AUTS2: variants seen among roughly 807,000 people sequenced by gnomAD.
The protein encoded by AUTS2 is autism susceptibility gene 2 protein.
A neutral mutation model predicts 112.4 loss-of-function variants in AUTS2; 17 were observed. The observed-to-expected ratio is 0.15, with a 90% CI of 0.10 to 0.23. AUTS2 has a LOEUF of 0.23. Among genes scored for constraint, AUTS2 ranks in the 10% least tolerant of loss-of-function variants. The pLI, the probability that AUTS2 is intolerant of heterozygous loss-of-function variation, is 1.00. For missense variants in AUTS2, 1,510 were observed against 1,701.6 expected, an observed-to-expected ratio of 0.89 and a Z score of 1.98; for synonymous variants, 751 against 702.7, an observed-to-expected ratio of 1.07 and a Z score of -1.09.
At chr7:70,474,148 T>A (rs997340339) in intron 5 of AUTS2, among the ~76,000 whole-genome samples, 1 of 152,178 alleles carries the variant, frequency 6.6e-6, no homozygotes, top group East Asian at 1.9e-4. Flanking sequence ...TAATTACAAA[T>A]AGGACACCAG....
chr7:69,910,523 C>T lies in AUTS2; in HGVS notation c.522+11025C>T, dbSNP rs1403087623. Among the ~76,000 whole-genome samples, 3 of 152,316 alleles carry T rather than the reference C, an allele frequency of 2.0e-5. No homozygotes were observed. The East Asian group carries it at 5.8e-4, about 29-fold the overall frequency. On this transcript the variant is annotated intron_variant, in intron 2 of 18. Coordinates refer to ENST00000342771, the MANE Select transcript of AUTS2 (RefSeq NM_015570.4). Reference sequence around the variant, plus strand: ...TACACTTCCACATGGCTGGGGAGGCCTCACAATCATGGCAGAAGGCAATGA... The same window carrying T: ...TACACTTCCACATGGCTGGGGAGGCTTCACAATCATGGCAGAAGGCAATGA...
chr7:70,330,100 T>A (rs574692999), intron 4 of AUTS2, among the ~76,000 whole-genome samples: 1 of 152,346 alleles, frequency 6.6e-6, no homozygotes, highest in South Asian at 2.1e-4. Context: ...AATTTCAACA[T>A]GAATTTTGAG....
At chr7:70,389,942 A>G (rs1420975093) in intron 4 of AUTS2, among the ~76,000 whole-genome samples, 2 of 152,210 alleles carry the variant, frequency 1.3e-5, no homozygotes, top group East Asian at 1.9e-4. Flanking sequence ...TCTAAAGCCT[A>G]TCTGGGAGAA....
At chr7:69,909,727 A>G (rs1449188895) in intron 2 of AUTS2, among the ~76,000 whole-genome samples, 7 of 152,158 alleles carry the variant, frequency 4.6e-5, no homozygotes, top group Non-Finnish European at 8.8e-5. Flanking sequence ...TCTCATAAGA[A>G]TTTTTGTTTA....
At chr7:70,503,080 G>A (rs537950948) in intron 5 of AUTS2, among the ~76,000 whole-genome samples, 1 of 152,250 alleles carries the variant, frequency 6.6e-6, no homozygotes, top group Non-Finnish European at 1.5e-5. Context: ...CTTCTCCAGA[G>A]GGAGAACCAG....
chr7:70,245,169 TAA>T lies in AUTS2; in HGVS notation c.660+110603_660+110604del, dbSNP rs1180448969. On this transcript the variant is annotated intron_variant, in intron 4 of 18. Coordinates refer to ENST00000342771, the MANE Select transcript of AUTS2 (RefSeq NM_015570.4). ...GTATATATATATATATATATATATATAAAAAATAAAAAATAAACAAAAATTAA... is the reference window on the plus strand; with the variant it reads ...GTATATATATATATATATATATATATAAAATAAAAAATAAACAAAAATTAA... Among the ~76,000 whole-genome samples, 424 of 118,582 alleles carry T rather than the reference TAA, an allele frequency of 3.6e-3. 7 individuals are homozygous for T. The highest frequency in any genetic ancestry group is 0.024 in the East Asian group (100 of 4,152). The allele number at this position is 118,582 out of a possible 152,430, so 77.8% of individuals were successfully genotyped here.
At chr7:70,363,326 A>G (rs1003479039) in intron 4 of AUTS2, among the ~76,000 whole-genome samples, 2 of 151,858 alleles carry the variant, frequency 1.3e-5, no homozygotes, top group Non-Finnish European at 2.9e-5. Context: ...ATTATGGAAA[A>G]TCTGAAGCTA....
chr7:70,275,456 A>G (rs936502597), intron 4 of AUTS2, among the ~76,000 whole-genome samples: 8 of 152,164 alleles, frequency 5.3e-5, no homozygotes, highest in African/African-American at 1.4e-4. Context: ...ATGATGAAAA[A>G]GTTCTGCAAA....
intron 5 of AUTS2, among the ~76,000 whole-genome samples, chr7:70,698,311 A>G (rs909365465): frequency 6.6e-6 from 1 of 152,212 alleles, no homozygotes; most frequent in Non-Finnish European, 1.5e-5. Flanking sequence ...TCTCATAGAA[A>G]TATGTTTTGC....
intron 4 of AUTS2, among the ~76,000 whole-genome samples, chr7:70,144,969 TACTTTA>T (rs1405258263): frequency 6.6e-6 from 1 of 152,166 alleles, no homozygotes; most frequent in Non-Finnish European, 1.5e-5. Flanking sequence ...CTTGGCTTAT[TACTTTA>T]ACTTATGTAG....
chr7:69,681,227 T>G (rs1159952009), intron 1 of AUTS2, among the ~76,000 whole-genome samples: 1 of 152,190 alleles, frequency 6.6e-6, no homozygotes, highest in Non-Finnish European at 1.5e-5. Context: ...AGTGTGCAAA[T>G]TTCTCTTCAA....
intron 4 of AUTS2, among the ~76,000 whole-genome samples, chr7:70,400,893 C>T (rs199955203): frequency 1.1e-4 from 16 of 152,220 alleles, no homozygotes; most frequent in African/African-American, 2.4e-4. Context: ...TTCTAATGCA[C>T]GCCAAAGTTG....
At chr7:70,402,543 T>TCCAG (rs1414677787) in intron 4 of AUTS2, among the ~76,000 whole-genome samples, 1 of 152,220 alleles carries the variant, frequency 6.6e-6, no homozygotes, top group Non-Finnish European at 1.5e-5. Flanking sequence ...ATTCCAAGGT[T>TCCAG]CCAGACTCCT....
At chr7:70,424,476 T>A (rs574229476) in intron 4 of AUTS2, among the ~76,000 whole-genome samples, 19 of 152,338 alleles carry the variant, frequency 1.2e-4, no homozygotes, top group Middle Eastern at 3.4e-3. Flanking sequence ...GCCATCTCTG[T>A]CACTGGAAGC....
At chr7:70,180,153 A>G (rs1406865573) in intron 4 of AUTS2, among the ~76,000 whole-genome samples, 1 of 152,230 alleles carries the variant, frequency 6.6e-6, no homozygotes, top group Non-Finnish European at 1.5e-5. Context: ...AATAAATACC[A>G]GCCTAATAAA....
chr7:70,466,022 A>G (rs1797154685), intron 5 of AUTS2, among the ~76,000 whole-genome samples: 1 of 152,160 alleles, frequency 6.6e-6, no homozygotes, highest in East Asian at 1.9e-4. Flanking sequence ...TGTCATCTTG[A>G]CCAGGAACAC....
intron 1 of AUTS2, among the ~76,000 whole-genome samples, chr7:69,746,114 A>G (rs1459214416): frequency 6.6e-6 from 1 of 152,132 alleles, no homozygotes; most frequent in Non-Finnish European, 1.5e-5. Context: ...GCCTCAAGCA[A>G]TCCTCCTGCC....
In AUTS2 at chr7:69,722,826, A is replaced by G. The variant is rs61492875; in HGVS notation, c.309+122864A>G. On this transcript the variant is annotated intron_variant, in intron 1 of 18. Coordinates refer to ENST00000342771, the MANE Select transcript of AUTS2 (RefSeq NM_015570.4). ...GTAATATCAGGAGTCCTTTGCTTTA[A>G]TAGAAGTAGATCTGGAATTGCTTTT... 5.3e-3 allele frequency among the ~76,000 whole-genome samples: 814 copies of G among 152,210 alleles called. 8 individuals are homozygous for G. Among genetic ancestry groups the G allele is most frequent in the African/African-American group, 0.019 (785 of 41,564 alleles).
chr7:70,605,628 C>T (rs1337932916), intron 5 of AUTS2, among the ~76,000 whole-genome samples: 1 of 124,142 alleles, frequency 8.1e-6, no homozygotes, highest in Non-Finnish European at 1.6e-5. Context: ...AGTATCATAT[C>T]TGGAACTTTT....
Sources: allele counts gnomAD v4.1 joint callset (sites outside exome capture counted in the v4.1 genomes callset), GRCh38; gene constraint gnomAD v4.1.1; transcripts MANE v1.5; gene names NCBI Gene and HGNC (gene_info 2026-07-23, HGNC 2026-07-21).